Variants in DOCK1 observed in about 807,000 individuals in gnomAD.
The protein encoded by DOCK1 is dedicator of cytokinesis 1, also known as dedicator of cytokinesis protein 1.
DOCK1 carries 138 observed loss-of-function variants against 262.7 expected under a neutral mutation model. The observed-to-expected ratio is 0.53, with a 90% confidence interval of 0.46 to 0.61. The LOEUF (loss-of-function observed/expected upper bound fraction) is 0.61, where lower values mean the gene tolerates loss of function less well. DOCK1 is among the 20% of genes least tolerant of loss of function. The probability of loss-of-function intolerance (pLI) is 0.00; values close to 1 mark genes in which losing one functional copy is unlikely to be tolerated. For missense variants in DOCK1, 1,908 were observed against 2,370.7 expected (o/e 0.80, Z 4.05); for synonymous variants, 866 against 867.4 (o/e 1.00, Z 0.03).
intron 51 of DOCK1, 105 bp from the exon 52 acceptor site, chr10:127,451,227 G>T: frequency 7.8e-7 from 1 of 1,274,334 alleles, no homozygotes; most frequent in Non-Finnish European, 1.1e-6. Context: ...TGGGGAGGAT[G>T]GTTCCGGCTG....
At chr10:126,915,492 C>T (rs997916824) in intron 1 of DOCK1, among the ~76,000 whole-genome samples, 3 of 152,134 alleles carry the variant, frequency 2.0e-5, no homozygotes, top group Non-Finnish European at 4.4e-5. Flanking sequence ...AATCTTGGCC[C>T]ACTGCAACCT....
At chr10:126,953,281 G>C (rs1405277847) in intron 1 of DOCK1, among the ~76,000 whole-genome samples, 1 of 145,898 alleles carries the variant, frequency 6.9e-6, no homozygotes. Context: ...GTAGTGTTGT[G>C]GTGTGGTGTG....
chr10:127,189,960 A>G (rs2056596100), intron 27 of DOCK1, among the ~76,000 whole-genome samples: 1 of 152,210 alleles, frequency 6.6e-6, no homozygotes, highest in African/African-American at 2.4e-5. Flanking sequence ...AGAGACAGAC[A>G]TCTCCTTCTC....
chr10:127,274,498 G>A (rs544408207), intron 29 of DOCK1, among the ~76,000 whole-genome samples: 22 of 152,256 alleles, frequency 1.4e-4, no homozygotes, highest in African/African-American at 5.3e-4. Flanking sequence ...GAGCCCTGGG[G>A]ATAAGCTACA....
At chr10:127,290,397 A>C (rs144299725) in intron 29 of DOCK1, among the ~76,000 whole-genome samples, 3 of 152,338 alleles carry the variant, frequency 2.0e-5, no homozygotes, top group African/African-American at 7.2e-5. Context: ...AGTGGAAGGC[A>C]GTTTTGTATT....
In DOCK1 at chr10:126,991,432, G is replaced by A. The variant is rs138338241; in HGVS notation, c.473+829G>A. On this transcript the variant is annotated intron_variant, in intron 6 of 51. Transcript: ENST00000623213. ...TGCTCTTCTATTTCAGAATCACTGG[G>A]ATAGCTGTTGAATTATAGAATCCCA... 8.2e-3 allele frequency among the ~76,000 whole-genome samples: 1,242 copies of A among 152,170 alleles called. 21 individuals carry two copies. The highest frequency in any genetic ancestry group is 0.028 in the African/African-American group (1,178 of 41,504).
intron 23 of DOCK1, among the ~76,000 whole-genome samples, chr10:127,063,371 C>G (rs2045659872): frequency 6.6e-6 from 1 of 152,128 alleles, no homozygotes; most frequent in African/African-American, 2.4e-5. Flanking sequence ...ACCAAGGAAA[C>G]CAGCATAAGT....
At chr10:127,411,069 T>A in intron 43 of DOCK1, 145 bp downstream of exon 43, 1 of 793,692 alleles carries the variant, frequency 1.3e-6, no homozygotes, top group Non-Finnish European at 2.0e-6. Flanking sequence ...AATCTTAATC[T>A]ATTACCCCCT....
intron 23 of DOCK1, among the ~76,000 whole-genome samples, chr10:127,096,805 G>A (rs7097145): frequency 0.23 from 34,188 of 151,728 alleles, 5,487 homozygotes; most frequent in African/African-American, 0.46. Flanking sequence ...GCTTAGAGAC[G>A]AGTATAAAAT....
At chr10:127,131,606 GT>G (rs1564825713) in intron 27 of DOCK1, among the ~76,000 whole-genome samples, 2 of 152,182 alleles carry the variant, frequency 1.3e-5, no homozygotes, top group Non-Finnish European at 2.9e-5. Flanking sequence ...ATGCTACCCT[GT>G]TTAGGATGCC....
chr10:127,083,342 G>A (rs764672982), intron 23 of DOCK1, among the ~76,000 whole-genome samples: 2 of 152,166 alleles, frequency 1.3e-5, no homozygotes, highest in African/African-American at 2.4e-5. Context: ...CAAGCTGGAC[G>A]AGCAGTCCTG....
chr10:127,040,098 G>A (rs1032148332), intron 19 of DOCK1, among the ~76,000 whole-genome samples: 1 of 152,186 alleles, frequency 6.6e-6, no homozygotes, highest in Non-Finnish European at 1.5e-5. Context: ...TCTACTTCAG[G>A]GACTTTGCAT....
At chr10:127,155,012 C>A (rs72834686) in intron 27 of DOCK1, among the ~76,000 whole-genome samples, 8,001 of 152,138 alleles carry the variant, frequency 0.053, 277 homozygotes, top group Middle Eastern at 0.095. Flanking sequence ...TATTTTGTGT[C>A]CAGGCACAGA....
intron 4 of DOCK1, among the ~76,000 whole-genome samples, chr10:126,986,495 C>A (rs997816467): frequency 1.6e-4 from 24 of 152,228 alleles, no homozygotes; most frequent in African/African-American, 5.3e-4. Flanking sequence ...CAAATTCACT[C>A]TCTCCCCCTA....
intron 23 of DOCK1, among the ~76,000 whole-genome samples, chr10:127,077,697 A>C (rs984643273): frequency 6.6e-6 from 1 of 152,190 alleles, no homozygotes; most frequent in Non-Finnish European, 1.5e-5. Context: ...GAAACCAGGT[A>C]TTCGACCCCC....
chr10:127,347,413 C>T lies in DOCK1; in HGVS notation c.3224+3667C>T, dbSNP rs369737166. 1.8e-4 allele frequency among the ~76,000 whole-genome samples: 28 copies of T among 152,344 alleles called. 1 individual carries two copies. In the East Asian group the frequency reaches 3.3e-3, roughly 18 times the overall value. On this transcript the variant is annotated intron_variant, in intron 31 of 51. Coordinates refer to ENST00000623213, the MANE Select transcript of DOCK1 (RefSeq NM_001290223.2). ...CCGGAGACGGCCCGTGGGGCTCAGC[C>T]GTGGGAGACAGAGGCCTCCTGGCAG... is the stretch of plus-strand genomic sequence containing the variant.
chr10:126,919,598 C>T (rs192481138), intron 1 of DOCK1, among the ~76,000 whole-genome samples: 4 of 152,280 alleles, frequency 2.6e-5, no homozygotes, highest in African/African-American at 4.8e-5. Context: ...ACCCCGATGA[C>T]GGTCTGTGCT....
intron 38 of DOCK1, among the ~76,000 whole-genome samples, chr10:127,394,413 C>T (rs2066696766): frequency 6.7e-6 from 1 of 148,788 alleles, no homozygotes; most frequent in East Asian, 2.0e-4. Context: ...GAGTTTGGAG[C>T]AAATTTCCAT....
intron 30 of DOCK1, among the ~76,000 whole-genome samples, chr10:127,339,611 G>C (rs1377636008): frequency 6.6e-6 from 1 of 151,030 alleles, no homozygotes; most frequent in Non-Finnish European, 1.5e-5. Flanking sequence ...GAGAGAGAGA[G>C]AGAGTGTGTG....
Sources: allele counts gnomAD v4.1 joint callset (sites outside exome capture counted in the v4.1 genomes callset), GRCh38; gene constraint gnomAD v4.1.1; transcripts MANE v1.5; gene names NCBI Gene and HGNC (gene_info 2026-07-23, HGNC 2026-07-21).